CDH18: variants seen among roughly 807,000 people sequenced by gnomAD.
CDH18 encodes cadherin-18.
CDH18 carries 31 observed loss-of-function variants against 67.9 expected under a neutral mutation model. The observed-to-expected ratio is 0.46, with a 90% confidence interval of 0.34 to 0.62. The LOEUF is 0.62. CDH18 is among the 20% of genes least tolerant of loss of function. The pLI is 0.01. For missense variants in CDH18, 890 were observed against 975.5 expected (o/e 0.91, Z 1.17); for synonymous variants, 362 against 347.2 (o/e 1.04, Z -0.48).
At chr5:19,960,083 A>G (rs940604428) in intron 2 of CDH18, among the ~76,000 whole-genome samples, 1 of 152,096 alleles carries the variant, frequency 6.6e-6, no homozygotes, top group Non-Finnish European at 1.5e-5. Context: ...ATTACTCTAC[A>G]CTACTGTAGT....
At chr5:19,558,005 G>A (rs926052720) in intron 8 of CDH18, among the ~76,000 whole-genome samples, 2 of 151,908 alleles carry the variant, frequency 1.3e-5, no homozygotes, top group Non-Finnish European at 2.9e-5. Context: ...TCAAAACCAT[G>A]CAAATACATG....
intron 3 of CDH18, among the ~76,000 whole-genome samples, chr5:19,814,337 T>G (rs1294888553): frequency 6.6e-6 from 1 of 151,746 alleles, no homozygotes; most frequent in African/African-American, 2.4e-5. Flanking sequence ...GGTTTGGCCT[T>G]CCAGGCATGA....
chr5:19,539,306 T>C (rs559530734), intron 9 of CDH18, among the ~76,000 whole-genome samples: 2 of 152,252 alleles, frequency 1.3e-5, no homozygotes, highest in Admixed American at 1.3e-4. Flanking sequence ...TCAAACCCCA[T>C]ATAAAGTACT....
intron 3 of CDH18, among the ~76,000 whole-genome samples, chr5:19,812,887 A>C (rs1196021239): frequency 6.6e-6 from 1 of 152,198 alleles, no homozygotes; most frequent in Non-Finnish European, 1.5e-5. Context: ...CTTGGAACTA[A>C]CCCAAATGCC....
At chr5:19,793,132 A>G (rs1417647632) in intron 3 of CDH18, among the ~76,000 whole-genome samples, 2 of 152,010 alleles carry the variant, frequency 1.3e-5, no homozygotes, top group African/African-American at 4.8e-5. Flanking sequence ...ATAAATCTTC[A>G]CCTACCCTAC....
intron 1 of CDH18, among the ~76,000 whole-genome samples, chr5:20,320,960 C>T (rs978184219): frequency 6.6e-6 from 1 of 152,096 alleles, no homozygotes; most frequent in African/African-American, 2.4e-5. Flanking sequence ...ATAGCCAGCT[C>T]AGGCTTACTT....
intron 7 of CDH18, among the ~76,000 whole-genome samples, chr5:19,588,851 C>T (rs1333289610): frequency 1.3e-5 from 2 of 152,034 alleles, no homozygotes; most frequent in African/African-American, 2.4e-5. Flanking sequence ...GAAGTAACTA[C>T]ACTAAATGTA....
chr5:19,906,571 C>T (rs1005780054), intron 2 of CDH18, among the ~76,000 whole-genome samples: 2 of 151,870 alleles, frequency 1.3e-5, no homozygotes, highest in Non-Finnish European at 2.9e-5. Context: ...TTCTTCTTAT[C>T]GCATCAAAAT....
At chr5:20,022,756 T>C (rs1440113413) in intron 2 of CDH18, among the ~76,000 whole-genome samples, 1 of 152,232 alleles carries the variant, frequency 6.6e-6, no homozygotes, top group Non-Finnish European at 1.5e-5. Flanking sequence ...ATATTATTTC[T>C]AGTCTATTAA....
intron 2 of CDH18, among the ~76,000 whole-genome samples, chr5:20,025,041 T>C (rs1738771719): frequency 1.3e-5 from 2 of 152,202 alleles, no homozygotes; most frequent in Non-Finnish European, 2.9e-5. Flanking sequence ...GCCATATCTT[T>C]CGTAACATAT....
intron 1 of CDH18, among the ~76,000 whole-genome samples, chr5:20,538,917 T>TTTTTTTTTG (rs1195265470): frequency 6.9e-6 from 1 of 144,352 alleles, no homozygotes; most frequent in Non-Finnish European, 1.5e-5. Flanking sequence ...TTGTTTTTTT[T>TTTTTTTTTG]TTTTTTTGTC....
chr5:20,200,443 G>A (rs975944053), intron 2 of CDH18, among the ~76,000 whole-genome samples: 6 of 152,144 alleles, frequency 3.9e-5, no homozygotes, highest in Admixed American at 2.6e-4. Flanking sequence ...GGAAGTCAAG[G>A]CAGGCAGATG....
chr5:19,800,851 T>G (rs1697615555), intron 3 of CDH18, among the ~76,000 whole-genome samples: 1 of 152,202 alleles, frequency 6.6e-6, no homozygotes, highest in South Asian at 2.1e-4. Context: ...AGGCATGTAC[T>G]ACATTCATAA....
chr5:20,492,004 G>C (rs890669733), intron 1 of CDH18, among the ~76,000 whole-genome samples: 6 of 151,584 alleles, frequency 4.0e-5, no homozygotes, highest in African/African-American at 1.5e-4. Context: ...ATATAATACA[G>C]GATTTGTGTA....
intron 1 of CDH18, among the ~76,000 whole-genome samples, chr5:20,467,915 A>G (rs1244601331): frequency 1.3e-5 from 2 of 151,886 alleles, no homozygotes; most frequent in East Asian, 1.9e-4. Context: ...TGAATTTCAA[A>G]TATTTTATTT....
chr5:19,849,843 C>T (rs1369899245), intron 2 of CDH18, among the ~76,000 whole-genome samples: 1 of 150,660 alleles, frequency 6.6e-6, no homozygotes, highest in African/African-American at 2.4e-5. Flanking sequence ...TCCATATACT[C>T]CACTAGATGC....
intron 2 of CDH18, among the ~76,000 whole-genome samples, chr5:20,164,179 G>C (rs1736105192): frequency 6.6e-6 from 1 of 152,162 alleles, no homozygotes; most frequent in Non-Finnish European, 1.5e-5. Flanking sequence ...ATTCCAGTGA[G>C]AAGAAAACAA....
rs112818883 is a variant in CDH18, at chr5:19,903,541, G to GTATATATATATATATATATATA, written c.-256-64321_-256-64300dup. On this transcript the variant is annotated intron_variant, in intron 2 of 12. Transcript: ENST00000382275. The stretch of plus-strand genomic sequence containing the variant: ...CAAAATAATGACTCTGTGTGTGTGT[G>GTATATATATATATATATATATA]TATATATATATATATATATATATAT... Among the ~76,000 whole-genome samples the GTATATATATATATATATATATA allele has an allele frequency of 9.9e-3, 1,233 of 124,540 alleles. 26 individuals are homozygous for GTATATATATATATATATATATA. Among genetic ancestry groups the GTATATATATATATATATATATA allele is most frequent in the Non-Finnish European group, 0.016 (959 of 60,236 alleles). The allele number at this position is 124,540 out of a possible 152,430, so 81.7% of individuals were successfully genotyped here.
At chr5:19,513,572 T>C (rs1179365893) in intron 10 of CDH18, among the ~76,000 whole-genome samples, 1 of 152,128 alleles carries the variant, frequency 6.6e-6, no homozygotes, top group African/African-American at 2.4e-5. Flanking sequence ...ATTAAATTCA[T>C]CTCATAAATT....
Sources: gnomAD v4.1 joint callset for allele counts (sites outside exome capture counted in the v4.1 genomes callset) on GRCh38, gnomAD v4.1.1 for gene constraint, MANE v1.5 for transcripts, NCBI Gene and HGNC (gene_info 2026-07-23, HGNC 2026-07-21) for gene names.